Variants in HSF2BP observed in about 807,000 individuals in gnomAD.
The protein encoded by HSF2BP is heat shock factor 2-binding protein.
HSF2BP carries 35 observed loss-of-function variants against 35.0 expected under a neutral mutation model. The ratio of observed to expected loss-of-function variants is 1.00; its 90% CI spans 0.76 to 1.32. The LOEUF (loss-of-function observed/expected upper bound fraction) is 1.32, where lower values mean the gene tolerates loss of function less well. Among genes scored for constraint, HSF2BP ranks in the 40% most tolerant of loss-of-function variants. The probability of loss-of-function intolerance (pLI) is 0.00; values close to 1 mark genes in which losing one functional copy is unlikely to be tolerated. For synonymous variants in HSF2BP, 114 were observed against 117.4 expected, an observed-to-expected ratio of 0.97 and a Z score of 0.18; for missense variants, 326 against 321.7, an observed-to-expected ratio of 1.01 and a Z score of -0.10.
intron 8 of HSF2BP, among the ~76,000 whole-genome samples, chr21:43,584,214 T>A (rs2146737712): frequency 6.6e-6 from 1 of 152,104 alleles, no homozygotes; most frequent in East Asian, 1.9e-4. Flanking sequence ...AAGGGCCTGC[T>A]GAGGGACATG....
Position 43,644,287 on chromosome 21 carries a change from A to G in HSF2BP, c.291+2T>C. 5 of 1,609,808 alleles carry G rather than the reference A, an allele frequency of 3.1e-6. No homozygotes were observed. Among genetic ancestry groups the G allele is most frequent in the Non-Finnish European group, 4.3e-6 (5 of 1,176,154 alleles). On this transcript the variant is annotated splice_donor_variant, in intron 4 of 8. Coordinates refer to ENST00000291560, the MANE Select transcript of HSF2BP (RefSeq NM_007031.2). LOFTEE classifies it high-confidence loss of function. ...GTGAGAGTCTGTCCCTGAGCATGGT[A>G]CCTTCTTCTCTCTTATGTTGTCGGC...
At chr21:43,572,636 G>C (rs182869294) in intron 8 of HSF2BP, among the ~76,000 whole-genome samples, 75 of 152,340 alleles carry the variant, frequency 4.9e-4, no homozygotes, top group African/African-American at 1.7e-3. Flanking sequence ...AGGTGTCCGA[G>C]AGGACAAGGA....
At chr21:43,599,657 G>A (rs1025006198) in intron 7 of HSF2BP, among the ~76,000 whole-genome samples, 1 of 151,870 alleles carries the variant, frequency 6.6e-6, no homozygotes, top group Admixed American at 6.6e-5. Context: ...AGCTGGGCGT[G>A]GTGGCGCACA....
At chr21:43,583,095 A>T (rs2081781427) in intron 8 of HSF2BP, among the ~76,000 whole-genome samples, 1 of 12,602 alleles carries the variant, frequency 7.9e-5, no homozygotes, top group Non-Finnish European at 1.2e-4. Flanking sequence ...AGGCCTGCTG[A>T]AGGAGATGAA....
At chr21:43,638,551 G>A (rs2082595067) in intron 4 of HSF2BP, among the ~76,000 whole-genome samples, 1 of 151,940 alleles carries the variant, frequency 6.6e-6, no homozygotes, top group Non-Finnish European at 1.5e-5. Flanking sequence ...TAAATACTTA[G>A]GTAAAAATCT....
At chr21:43,630,957 G>C (rs146473915) in intron 5 of HSF2BP, among the ~76,000 whole-genome samples, 81 of 152,252 alleles carry the variant, frequency 5.3e-4, no homozygotes, top group African/African-American at 1.9e-3. Flanking sequence ...CTAGAGTTCT[G>C]AAGAAGAATT....
chr21:43,633,315 C>G lies in HSF2BP; in HGVS notation c.398G>C (p.Gly133Ala). The G allele has an allele frequency of 6.2e-7, 1 of 1,614,044 alleles. No homozygotes were observed. Among genetic ancestry groups the G allele is most frequent in the Non-Finnish European group, 8.5e-7 (1 of 1,179,980 alleles). Reference sequence around the variant, plus strand: ...GACGACTTCCTCACTGCTGGAGACACCCCACAAGAGGGTACACGCTGCTGC... The same window carrying G: ...GACGACTTCCTCACTGCTGGAGACAGCCCACAAGAGGGTACACGCTGCTGC... ...MGAAACTLLWGVSSSEEVVKA... is the reference protein window; with the variant it reads ...MGAAACTLLWAVSSSEEVVKA... Residue 133 changes from glycine to alanine, a missense_variant, in exon 5 of 9, where the codon GGT (glycine) becomes GCT (alanine). Physicochemically the swap from Gly to Ala is moderately conservative, Grantham distance 60. Transcript: ENST00000291560.
At chr21:43,635,544 T>A (rs1252849720) in intron 4 of HSF2BP, among the ~76,000 whole-genome samples, 2 of 151,994 alleles carry the variant, frequency 1.3e-5, no homozygotes, top group African/African-American at 4.8e-5. Flanking sequence ...CCAATGCAAT[T>A]CAATGGAAAA....
At chr21:43,582,272 G>A (rs1373058939) in intron 8 of HSF2BP, among the ~76,000 whole-genome samples, 38 of 114,408 alleles carry the variant, frequency 3.3e-4, no homozygotes, top group Middle Eastern at 7.2e-3. Flanking sequence ...CTGCTGAGGG[G>A]GATGAAGGCC....
chr21:43,615,196 C>T (rs916729765), intron 6 of HSF2BP, among the ~76,000 whole-genome samples: 4 of 152,164 alleles, frequency 2.6e-5, no homozygotes, highest in South Asian at 2.1e-4. Flanking sequence ...AGCCAAATGA[C>T]GAGACCAAGG....
chr21:43,603,534 C>T (rs954117402), intron 7 of HSF2BP, among the ~76,000 whole-genome samples: 1 of 152,246 alleles, frequency 6.6e-6, no homozygotes, highest in African/African-American at 2.4e-5. Context: ...TCACCCTGCA[C>T]ACAGTTCTGT....
intron 6 of HSF2BP, among the ~76,000 whole-genome samples, chr21:43,627,456 A>G (rs1478201437): frequency 6.6e-6 from 1 of 152,252 alleles, no homozygotes; most frequent in South Asian, 2.1e-4. Flanking sequence ...GTCAAGGTAC[A>G]TAACTACACA....
At chr21:43,628,920 C>G (rs1234181139) in intron 6 of HSF2BP, among the ~76,000 whole-genome samples, 1 of 152,232 alleles carries the variant, frequency 6.6e-6, no homozygotes, top group Non-Finnish European at 1.5e-5. Context: ...GATGACAGCA[C>G]ACCTGTTTCC....
chr21:43,602,184 T>C (rs1325544165), intron 7 of HSF2BP, among the ~76,000 whole-genome samples: 1 of 152,242 alleles, frequency 6.6e-6, no homozygotes, highest in Non-Finnish European at 1.5e-5. Context: ...AAGCAACTAG[T>C]GAACAAAGTG....
At chr21:43,628,553 A>C (rs990284188) in intron 6 of HSF2BP, among the ~76,000 whole-genome samples, 2 of 152,292 alleles carry the variant, frequency 1.3e-5, no homozygotes, top group Non-Finnish European at 2.9e-5. Flanking sequence ...AGTTGTCTCC[A>C]TAACATAAAA....
chr21:43,638,527 A>G (rs933683926), intron 4 of HSF2BP, among the ~76,000 whole-genome samples: 6 of 152,222 alleles, frequency 3.9e-5, no homozygotes, highest in African/African-American at 1.4e-4. Flanking sequence ...ATTTACGGTT[A>G]CTCCAAATAA....
Position 43,611,356 on chromosome 21 carries a change from T to A in HSF2BP, c.692+2474A>T, listed in dbSNP as rs139564527. Among the ~76,000 whole-genome samples, 99 of 152,340 alleles carry A rather than the reference T, an allele frequency of 6.5e-4. 1 individual carries two copies. Among genetic ancestry groups the A allele is most frequent in the African/African-American group, 2.3e-3 (96 of 41,586 alleles). On this transcript the variant is annotated intron_variant, in intron 7 of 8. Coordinates refer to ENST00000291560, the MANE Select transcript of HSF2BP (RefSeq NM_007031.2). ...ATGGACTAGAAAGCTTGGTTCTGGA[T>A]AAGATGGCCTGAACACACCCTCCAG...
the HSF2BP span, among the ~76,000 whole-genome samples, chr21:43,458,113 A>C: frequency 5.0e-5 from 5 of 100,818 alleles, no homozygotes; most frequent in African/African-American, 1.4e-4. Flanking sequence ...TGGGCCCCCG[A>C]CTTCCCTTCT....
intron 7 of HSF2BP, among the ~76,000 whole-genome samples, chr21:43,600,999 T>C (rs2082045113): frequency 6.6e-6 from 1 of 152,244 alleles, no homozygotes; most frequent in African/African-American, 2.4e-5. Flanking sequence ...TTTCCACTGA[T>C]ATATGCCAAC....
Sources: allele counts gnomAD v4.1 joint callset (sites outside exome capture counted in the v4.1 genomes callset), GRCh38; gene constraint gnomAD v4.1.1; transcripts MANE v1.5; gene names NCBI Gene and HGNC (gene_info 2026-07-23, HGNC 2026-07-21).